Variants in SNRPG observed in about 807,000 individuals in gnomAD.
SNRPG encodes small nuclear ribonucleoprotein polypeptide G.
SNRPG carries 3 observed loss-of-function variants against 13.9 expected under a neutral mutation model. The observed-to-expected ratio is 0.22, with a 90% CI of 0.10 to 0.56. The LOEUF (loss-of-function observed/expected upper bound fraction) is 0.56. Ranked by LOEUF, SNRPG falls within the 20% of genes least tolerant of loss-of-function variation. The pLI, the probability that SNRPG is intolerant of heterozygous loss-of-function variation, is 0.93. For synonymous variants in SNRPG, 29 were observed against 29.3 expected, an observed-to-expected ratio of 0.99 and a Z score of 0.03; for missense variants, 34 against 96.1, an observed-to-expected ratio of 0.35 and a Z score of 2.70.
intron 1 of SNRPG, chr2:70,292,907 C>T (rs1697137586): frequency 1.9e-6 from 1 of 533,186 alleles, no homozygotes; most frequent in Non-Finnish European, 3.3e-6. Context: ...CAAAGCTTTA[C>T]GTTGAGTCCT....
chr2:70,292,122 T>C (rs1697115397), intron 1 of SNRPG, among the ~76,000 whole-genome samples: 1 of 151,936 alleles, frequency 6.6e-6, no homozygotes, highest in Non-Finnish European at 1.5e-5. Context: ...TAATTTTTTG[T>C]ATTTTTATAG....
At chr2:70,283,865 C>T (rs6714166) in intron 3 of SNRPG, among the ~76,000 whole-genome samples, 9,423 of 152,206 alleles carry the variant, frequency 0.062, 362 homozygotes, top group East Asian at 0.18. Flanking sequence ...TTGAGACCAG[C>T]CTGGGCAACA....
rs187524223 is a variant in SNRPG, at chr2:70,287,475, G to A, written c.180+593C>T. The A allele has an allele frequency of 5.1e-3, 3,081 of 598,562 alleles. 17 individuals carry two copies. The highest frequency in any genetic ancestry group is 7.4e-3 in the Non-Finnish European group (2,504 of 338,342). The allele number at this position is 598,562 out of a possible 1,614,324, so 37.1% of individuals were successfully genotyped here. On this transcript the variant is annotated intron_variant, in intron 3 of 3. Transcript: ENST00000272348. ...ATGTAGGAATGTTTAATCCTATGAG[G>A]GCTCAGTATGTGCTTATTTTTTCCT...
intron 2 of SNRPG, 79 bp from the exon 3 acceptor site, chr2:70,288,271 AAC>A: frequency 8.1e-7 from 1 of 1,234,978 alleles, no homozygotes; most frequent in South Asian, 1.2e-5. Flanking sequence ...GGTGGGATAA[AAC>A]ACAAGTATTT....
At chr2:70,287,519 A>G in intron 3 of SNRPG, 4 of 568,178 alleles carry the variant, frequency 7.0e-6, no homozygotes, top group Non-Finnish European at 1.2e-5. Flanking sequence ...TCTCATGTGA[A>G]TAACTGTCAT....
At chr2:70,290,669 G>A (rs918780115) in intron 1 of SNRPG, among the ~76,000 whole-genome samples, 7 of 151,624 alleles carry the variant, frequency 4.6e-5, no homozygotes, top group African/African-American at 1.7e-4. Context: ...CTGAAGGAGG[G>A]AGTAGATACA....
chr2:70,281,689 G>A lies in SNRPG; in HGVS notation c.181-5C>T, dbSNP rs1696788760. ...GATACTATTTCCTCGTATTACCTAA[G>A]AAAGAGAAAAATAAATTTGAAAAGA... On this transcript the variant is annotated splice_polypyrimidine_tract_variant and splice_region_variant and intron_variant, in intron 3 of 3. Transcript: ENST00000272348. 1 of 1,504,152 alleles carries A rather than the reference G, an allele frequency of 6.6e-7. No individual in the cohort carries two copies. The allele number at this position is 1,504,152 out of a possible 1,614,324, so 93.2% of individuals were successfully genotyped here. A position where few individuals can be genotyped will look rare whatever the true frequency, so the allele number is the denominator to read the frequency against.
rs115937820 is a variant in SNRPG, at chr2:70,284,905, C to T, written c.180+3163G>A. 1.7e-3 allele frequency among the ~76,000 whole-genome samples: 258 copies of T among 152,308 alleles called. 2 individuals are homozygous for T. The highest frequency in any genetic ancestry group is 5.9e-3 in the African/African-American group (247 of 41,568). On this transcript the variant is annotated intron_variant, in intron 3 of 3. Coordinates refer to ENST00000272348, the MANE Select transcript of SNRPG (RefSeq NM_003096.4). ...TTAAATGCATAGTCCCAGCAACAGA[C>T]ATCCGTAAGTTTTACACTGCATGCT...
chr2:70,293,052 A>T (rs550856290), intron 1 of SNRPG: 1 of 679,088 alleles, frequency 1.5e-6, no homozygotes, highest in Non-Finnish European at 2.7e-6. Context: ...GTTCTTATAT[A>T]GTTTCAACAT....
intron 1 of SNRPG, chr2:70,293,104 A>G (rs1697144431): frequency 2.8e-6 from 2 of 702,392 alleles, no homozygotes; most frequent in Non-Finnish European, 5.2e-6. Flanking sequence ...AACGTAAAAG[A>G]AGGCAAGAAA....
rs551252415 is a variant in SNRPG at position 70,284,989 on chromosome 2, A to G, written c.180+3079T>C. 6.0e-4 allele frequency among the ~76,000 whole-genome samples: 91 copies of G among 152,288 alleles called. 1 individual carries two copies. The highest frequency in any genetic ancestry group is 2.1e-3 in the African/African-American group (88 of 41,572). ...CCTGGATGTGGATTATCCTTTGTCT[A>G]GCATCTCCATGCTGCCCATTAATCA... is the stretch of plus-strand genomic sequence containing the variant. On this transcript the variant is annotated intron_variant, in intron 3 of 3. Transcript: ENST00000272348.
At chr2:70,285,156 G>A (rs1696908051) in intron 3 of SNRPG, among the ~76,000 whole-genome samples, 1 of 152,190 alleles carries the variant, frequency 6.6e-6, no homozygotes, top group Non-Finnish European at 1.5e-5. Context: ...AAGCTGTAAA[G>A]TGCTTCCTTT....
rs1193368584 is a variant in SNRPG, at chr2:70,288,095, A to G, written c.153T>C (p.Ser51=). The G allele has an allele frequency of 6.2e-7, 1 of 1,611,574 alleles. No individual in the cohort carries two copies. Among genetic ancestry groups the G allele is most frequent in the African/African-American group, 1.3e-5 (1 of 74,876 alleles). Residue 51 remains serine, a synonymous_variant, in exon 3 of 4, where the codon AGT becomes AGC. Coordinates refer to ENST00000272348, the MANE Select transcript of SNRPG (RefSeq NM_003096.4). Reference sequence around the variant, plus strand: ...CCATTCCAATATTGTTCTGTTGTCCACTAGTCGCCATCTCCACACATTCAT... The same window carrying G: ...CCATTCCAATATTGTTCTGTTGTCCGCTAGTCGCCATCTCCACACATTCAT... ...VIDECVEMAT[S]GQQNNIGMVV...
chr2:70,293,444 CTGCGCGGGCTTCACGTCTCA>C (rs565598673), intron 1 of SNRPG, 154 bp downstream of exon 1: 571 of 704,678 alleles, frequency 8.1e-4, no homozygotes, highest in South Asian at 1.5e-3. Flanking sequence ...CGCGCGAGCT[CTGCGCGGGCTTCACGTCTCA>C]TGCGCGGGAG....
At chr2:70,291,011 C>G (rs1023968855) in intron 1 of SNRPG, among the ~76,000 whole-genome samples, 2 of 76,958 alleles carry the variant, frequency 2.6e-5, no homozygotes, top group South Asian at 5.2e-4. Context: ...AACTCCATCT[C>G]AAAACACACA....
chr2:70,285,729 G>C (rs932832162), intron 3 of SNRPG, among the ~76,000 whole-genome samples: 1 of 152,064 alleles, frequency 6.6e-6, no homozygotes, highest in Non-Finnish European at 1.5e-5. Context: ...AATCAAACTT[G>C]AACCATCAGG....
At chr2:70,286,361 C>T (rs1186580256) in intron 3 of SNRPG, among the ~76,000 whole-genome samples, 1 of 152,042 alleles carries the variant, frequency 6.6e-6, no homozygotes, top group Non-Finnish European at 1.5e-5. Flanking sequence ...AAAACCTTAA[C>T]CTATTTGTTT....
In SNRPG at chr2:70,290,927, C is replaced by G. The variant is rs543166072; in HGVS notation, c.33-1555G>C. On this transcript the variant is annotated intron_variant, in intron 1 of 3. Transcript: ENST00000272348. ...TCGGGAGGCTGAGGCAGGAGAATCG[C>G]TTGAACCCGGGAGGCACAGGTTGCG... Among the ~76,000 whole-genome samples, 223 of 144,208 alleles carry G rather than the reference C, an allele frequency of 1.5e-3. 1 individual carries two copies. The highest frequency in any genetic ancestry group is 5.4e-3 in the African/African-American group (212 of 38,952). The allele number at this position is 144,208 out of a possible 152,430, so 94.6% of individuals were successfully genotyped here. A position where few individuals can be genotyped will look rare whatever the true frequency, so the allele number is the denominator to read the frequency against.
intron 1 of SNRPG, among the ~76,000 whole-genome samples, chr2:70,290,108 C>A (rs1697045821): frequency 6.6e-6 from 1 of 151,234 alleles, no homozygotes; most frequent in African/African-American, 2.4e-5. Flanking sequence ...TCCCAAAGTG[C>A]CGCTGGGATT....
Sources: gnomAD v4.1 joint callset for allele counts (sites outside exome capture counted in the v4.1 genomes callset) on GRCh38, gnomAD v4.1.1 for gene constraint, MANE v1.5 for transcripts, NCBI Gene and HGNC (gene_info 2026-07-23, HGNC 2026-07-21) for gene names.